The following MIAT variants were observed in gnomAD, a reference collection of about 807,000 sequenced individuals.
MIAT encodes the protein MI related novel mRNA.
downstream of MIAT, chr22:26,673,111 G>T: frequency 2.5e-6 from 1 of 398,662 alleles, no homozygotes; most frequent in Non-Finnish European, 4.4e-6. Flanking sequence ...TTTACCCCGG[G>T]CTCGGAGTTT....
At chr22:26,673,625 G>C (rs771834262), downstream of MIAT, 4 of 398,628 alleles carry the variant, frequency 1.0e-5, no homozygotes, top group African/African-American at 8.2e-5. Flanking sequence ...TGTCGGCATG[G>C]CTGGGAAGGG....
At chr22:26,661,202 C>G (rs1490308341) in intron 2 of MIAT, among the ~76,000 whole-genome samples, 1 of 152,116 alleles carries the variant, frequency 6.6e-6, no homozygotes, top group Non-Finnish European at 1.5e-5. Context: ...GTAGGCCAGT[C>G]TTTGTTTCAA....
At position 26,676,372 on chromosome 22, in the gene MIAT, A is replaced by C. The variant is rs1036176961; in HGVS notation, n.10040A>C. ...TGTAGATTAAAAATCAGATTTTTAC[A>C]TGGATTCAACAAAGGAGCGTCACTT... is the stretch of plus-strand genomic sequence containing the variant. On this transcript the variant is annotated non_coding_transcript_exon_variant, in exon 5 of 5. Transcript: ENST00000613780. 3 of 398,536 alleles carry C rather than the reference A, an allele frequency of 7.5e-6. No homozygotes were observed. The Admixed American group carries it at 1.3e-4, about 18-fold the overall frequency. 24.7% of individuals were successfully genotyped at this position (398,536 alleles called of 1,614,324 possible).
At chr22:26,674,950 CAGTG>C in exon 5 of MIAT, 1 of 398,748 alleles carries the variant, frequency 2.5e-6, no homozygotes. Context: ...GATAGTGATT[CAGTG>C]AGATGGGTGT....
intron 3 of MIAT, among the ~76,000 whole-genome samples, chr22:26,664,716 T>C (rs1569221514): frequency 6.6e-6 from 1 of 152,232 alleles, no homozygotes; most frequent in Non-Finnish European, 1.5e-5. Flanking sequence ...TAGATTCCCT[T>C]ATGTGGATAA....
At chr22:26,659,146 C>G (rs1023600686) in intron 2 of MIAT, among the ~76,000 whole-genome samples, 23 of 152,138 alleles carry the variant, frequency 1.5e-4, no homozygotes, top group African/African-American at 4.1e-4. Flanking sequence ...CAGACCTCCT[C>G]ATCCTCATCC....
At chr22:26,660,630 G>T (rs1446028160) in intron 2 of MIAT, 3 of 152,114 alleles carry the variant, frequency 2.0e-5, no homozygotes, top group African/African-American at 4.8e-5. Context: ...GGTCTACTTC[G>T]TCAGTTCCCT....
intron 2 of MIAT, among the ~76,000 whole-genome samples, chr22:26,659,681 A>G (rs763932244): frequency 2.6e-4 from 40 of 151,932 alleles, no homozygotes; most frequent in Non-Finnish European, 3.7e-4. Flanking sequence ...TCTAAAATAA[A>G]TAAGTAAAAA....
chr22:26,648,404 G>A (rs144439618), intron 2 of MIAT, among the ~76,000 whole-genome samples: 20 of 152,296 alleles, frequency 1.3e-4, no homozygotes, highest in African/African-American at 4.6e-4. Context: ...AGGCAGAGGC[G>A]AGGTGCATGG....
chr22:26,666,708 TAAAG>T (rs1235024813), exon 4 of MIAT: 2 of 398,452 alleles, frequency 5.0e-6, no homozygotes, highest in Admixed American at 8.8e-5. Context: ...TGGGGTGGAA[TAAAG>T]AGAGGTGGAG....
At chr22:26,673,639 A>G (rs946617907), downstream of MIAT, 1 of 398,046 alleles carries the variant, frequency 2.5e-6, no homozygotes, top group South Asian at 1.3e-4. Flanking sequence ...GGAAGGGGCT[A>G]ACACAGCTTT....
chr22:26,659,710 AT>A (rs984953665), intron 2 of MIAT, among the ~76,000 whole-genome samples: 1 of 151,060 alleles, frequency 6.6e-6, no homozygotes, highest in Non-Finnish European at 1.5e-5. Flanking sequence ...AATTTTTATA[AT>A]TTTTTCCGAT....
At chr22:26,673,103 T>C (rs1459899360), downstream of MIAT, 5 of 398,532 alleles carry the variant, frequency 1.3e-5, no homozygotes, top group Admixed American at 1.8e-4. Context: ...GAAGCAGCTT[T>C]ACCCCGGGCT....
chr22:26,673,132 G>T (rs1182123135), downstream of MIAT: 1 of 398,684 alleles, frequency 2.5e-6, no homozygotes, highest in Non-Finnish European at 4.4e-6. Flanking sequence ...GCAGGAGAGA[G>T]AAGTGGGGAG....
downstream of MIAT, chr22:26,671,389 C>A: frequency 2.5e-6 from 1 of 398,866 alleles, no homozygotes; most frequent in Non-Finnish European, 4.4e-6. Flanking sequence ...GCTGGAGGGG[C>A]CGGGGCAGTG....
downstream of MIAT, chr22:26,671,854 G>A: frequency 2.5e-6 from 1 of 398,446 alleles, no homozygotes; most frequent in Non-Finnish European, 4.4e-6. Context: ...GTATGAGGAT[G>A]GAGGAAGGCC....
exon 5 of MIAT, chr22:26,676,231 GC>G (rs1338092988): frequency 2.5e-6 from 1 of 396,858 alleles, no homozygotes; most frequent in Non-Finnish European, 4.4e-6. Context: ...TCCATCAAAG[GC>G]CCTCTTGAGA....
exon 6 of MIAT, chr22:26,668,691 G>T (rs1930941511): frequency 5.0e-6 from 2 of 399,066 alleles, no homozygotes. Flanking sequence ...GGGTGCCGCT[G>T]GCTGGAGTCC....
rs1930827890 is a variant in MIAT at position 26,665,912 on chromosome 22, G to A, written n.1111G>A. On this transcript the variant is annotated non_coding_transcript_exon_variant, in exon 4 of 6. Transcript: ENST00000643270. ...CTTCATCTTGTGTACTTGTAGAACT[G>A]CTATTAGAAGGAGGCTGGGGACTCC... 5 of 398,642 alleles carry A rather than the reference G, an allele frequency of 1.3e-5. No homozygotes were observed. In the East Asian group the frequency reaches 1.8e-4, roughly 14 times the overall value. 24.7% of individuals were successfully genotyped at this position (398,642 alleles called of 1,614,324 possible).
Sources: gnomAD v4.1 joint callset for allele counts (sites outside exome capture counted in the v4.1 genomes callset) on GRCh38, gnomAD v4.1.1 for gene constraint, MANE v1.5 for transcripts, NCBI Gene and HGNC (gene_info 2026-07-23, HGNC 2026-07-21) for gene names.